Variants in PDCD6IP observed in about 807,000 individuals in gnomAD.
PDCD6IP encodes programmed cell death 6-interacting protein.
A neutral mutation model predicts 103.7 loss-of-function variants in PDCD6IP; 43 were observed. The ratio of observed to expected loss-of-function variants is 0.41; its 90% confidence interval spans 0.32 to 0.53. The LOEUF (loss-of-function observed/expected upper bound fraction) is 0.53. Ranked by LOEUF, PDCD6IP falls within the 20% of genes least tolerant of loss-of-function variation. The pLI is 0.16. For synonymous variants in PDCD6IP, 354 were observed against 378.7 expected (o/e 0.93, Z 0.76); for missense variants, 871 against 1,036.7 (o/e 0.84, Z 2.20).
intron 6 of PDCD6IP, chr3:33,827,231 T>G (rs1395835582): frequency 9.3e-6 from 9 of 967,240 alleles, no homozygotes; most frequent in Non-Finnish European, 1.1e-5. Flanking sequence ...ACTAGTAAAT[T>G]TGGAATGATT....
In PDCD6IP at chr3:33,867,080, A is replaced by G. The variant is rs1370658860; in HGVS notation, c.*555A>G. On this transcript the variant is annotated 3_prime_UTR_variant, in exon 18 of 18. Coordinates refer to ENST00000307296, the MANE Select transcript of PDCD6IP (RefSeq NM_013374.6). ...TTTTCTGGTATTAGTCTCATTTTGT[A>G]TGTATATAAGTTAAACAGATACTGT... The G allele has an allele frequency of 6.6e-6, 1 of 152,090 alleles. No homozygotes were observed. The highest frequency in any genetic ancestry group is 1.5e-5 in the Non-Finnish European group (1 of 68,004). 9.4% of individuals were successfully genotyped at this position (152,090 alleles called of 1,614,324 possible). A position where few individuals can be genotyped will look rare whatever the true frequency, so the allele number is the denominator to read the frequency against.
intron 8 of PDCD6IP, 77 bp downstream of exon 8, chr3:33,836,343 A>G: frequency 1.3e-6 from 1 of 775,176 alleles, no homozygotes; most frequent in Admixed American, 2.2e-5. Flanking sequence ...AAAATCACAT[A>G]ATTGCTGTTG....
chr3:33,803,512 C>T (rs1696521595), intron 1 of PDCD6IP, among the ~76,000 whole-genome samples: 1 of 152,106 alleles, frequency 6.6e-6, no homozygotes, highest in Non-Finnish European at 1.5e-5. Flanking sequence ...GGAGTTGTAG[C>T]ATTTTCTGGA....
At chr3:33,808,446 CGT>C (rs973366683) in intron 1 of PDCD6IP, among the ~76,000 whole-genome samples, 7 of 152,088 alleles carry the variant, frequency 4.6e-5, no homozygotes, top group African/African-American at 1.7e-4. Flanking sequence ...ACCTGGCTGA[CGT>C]GTGTATGTAT....
At chr3:33,862,199 CTT>C (rs940895768) in intron 15 of PDCD6IP, among the ~76,000 whole-genome samples, 80 of 149,400 alleles carry the variant, frequency 5.4e-4, no homozygotes, top group African/African-American at 1.9e-3. Context: ...TGATTAAAAA[CTT>C]ATTTATTTTA....
chr3:33,825,368 T>A, intron 5 of PDCD6IP, 28 bp downstream of exon 5: 2 of 1,561,352 alleles, frequency 1.3e-6, no homozygotes, highest in South Asian at 1.2e-5. Context: ...TTTTGTTGCA[T>A]GTGAAAAAAA....
In PDCD6IP at chr3:33,852,437, C is replaced by CTTTTT. The variant is rs59048229; in HGVS notation, c.1642-36_1642-32dup. 70 of 1,042,134 alleles carry CTTTTT rather than the reference C, an allele frequency of 6.7e-5. 9 individuals are homozygous for CTTTTT. Among genetic ancestry groups the CTTTTT allele is most frequent in the East Asian group, 3.1e-4 (5 of 15,962 alleles). The allele number at this position is 1,042,134 out of a possible 1,614,324, so 64.6% of individuals were successfully genotyped here. A position where few individuals can be genotyped will look rare whatever the true frequency, so the allele number is the denominator to read the frequency against. Reference sequence around the variant, plus strand: ...TATATTATTTCCTTCTCGAAATTGGCTTTTTTTTTTTTTTTTTTTGCAGTT... The same window carrying CTTTTT: ...TATATTATTTCCTTCTCGAAATTGGCTTTTTTTTTTTTTTTTTTTTTTTTGCAGTT... On this transcript the variant is annotated intron_variant, in intron 12 of 17. Transcript: ENST00000307296.
chr3:33,852,759 G>T (rs370267290), intron 13 of PDCD6IP, 23 bp downstream of exon 13: 88 of 1,559,744 alleles, frequency 5.6e-5, no homozygotes, highest in Non-Finnish European at 7.4e-5. Flanking sequence ...TATTTAATAA[G>T]ATCTGTGTTT....
Position 33,824,606 on chromosome 3 carries a change from G to A in PDCD6IP, c.463-581G>A, listed in dbSNP as rs148920037. On this transcript the variant is annotated intron_variant, in intron 4 of 17. Coordinates refer to ENST00000307296, the MANE Select transcript of PDCD6IP (RefSeq NM_013374.6). ...CAGACTGATTTATTTCTTTTTCTTA[G>A]TATAATTTGTTTCATGAAAGCAAAG... 4.6e-5 allele frequency among the ~76,000 whole-genome samples: 7 copies of A among 152,202 alleles called. No homozygotes were observed. The East Asian group carries it at 1.4e-3, about 29-fold the overall frequency.
chr3:33,822,176 C>T, intron 4 of PDCD6IP, 94 bp downstream of exon 4: 1 of 1,272,728 alleles, frequency 7.9e-7, no homozygotes, highest in Non-Finnish European at 1.1e-6. Context: ...ACTTCTTACG[C>T]AACAGATGTT....
intron 1 of PDCD6IP, among the ~76,000 whole-genome samples, chr3:33,805,946 C>T (rs751566266): frequency 2.6e-5 from 4 of 151,760 alleles, no homozygotes; most frequent in South Asian, 2.1e-4. Flanking sequence ...GGGGTTTCAC[C>T]GTGTTAGCCA....
chr3:33,817,595 A>G (rs1696882944), intron 3 of PDCD6IP, among the ~76,000 whole-genome samples: 1 of 152,114 alleles, frequency 6.6e-6, no homozygotes, highest in South Asian at 2.1e-4. Flanking sequence ...TCTACAAAAA[A>G]TAAAAAAATT....
At chr3:33,816,704 G>A (rs1262445596) in intron 3 of PDCD6IP, among the ~76,000 whole-genome samples, 1 of 152,032 alleles carries the variant, frequency 6.6e-6, no homozygotes, top group Non-Finnish European at 1.5e-5. Flanking sequence ...TGAATGGGAG[G>A]TGAGGGAATG....
intron 17 of PDCD6IP, among the ~76,000 whole-genome samples, chr3:33,865,873 T>A (rs971379775): frequency 6.6e-6 from 1 of 152,186 alleles, no homozygotes; most frequent in African/African-American, 2.4e-5. Flanking sequence ...CTGTGGTAAT[T>A]TCTTAATTTT....
Position 33,798,791 on chromosome 3 carries a change from G to T in PDCD6IP, c.63G>T (p.Leu21=), listed in dbSNP as rs1696392862. The T allele has an allele frequency of 1.2e-5, 19 of 1,573,822 alleles. No homozygotes were observed. Among genetic ancestry groups the T allele is most frequent in the Non-Finnish European group, 1.6e-5 (19 of 1,160,186 alleles). The change falls in exon 1 of 18, where the codon CTG becomes CTT. Residue 21 remains leucine (L), a synonymous_variant. Transcript: ENST00000307296. ...CAGAGGTGGACCTGGCCAAGCCGCT[G>T]GTGAAGTTCATCCAGCAGACTTACC... is the stretch of plus-strand genomic sequence containing the variant. ...KTSEVDLAKP[L]VKFIQQTYPS...
chr3:33,864,191 A>G (rs1348206878), intron 16 of PDCD6IP, 62 bp downstream of exon 16: 6 of 980,760 alleles, frequency 6.1e-6, no homozygotes, highest in Middle Eastern at 2.1e-4. Context: ...ACTTGTTCTA[A>G]CGGATAAAAC....
At chr3:33,859,221 A>C (rs1291839091) in intron 15 of PDCD6IP, among the ~76,000 whole-genome samples, 1 of 152,222 alleles carries the variant, frequency 6.6e-6, no homozygotes, top group East Asian at 1.9e-4. Context: ...ATACCAGAGT[A>C]AGTTCTGAGT....
chr3:33,813,448 T>C, intron 2 of PDCD6IP, 111 bp from the exon 3 acceptor site: 1 of 682,226 alleles, frequency 1.5e-6, no homozygotes, highest in Non-Finnish European at 2.5e-6. Flanking sequence ...GGAGATAATA[T>C]TTTGAGCTTT....
At chr3:33,828,805 G>T in intron 6 of PDCD6IP, 48 bp from the exon 7 acceptor site, 6 of 1,605,184 alleles carry the variant, frequency 3.7e-6, no homozygotes, top group Non-Finnish European at 5.1e-6. Context: ...GTTGTCTGTG[G>T]TGGTTTGTGT....
Sources: allele counts gnomAD v4.1 joint callset (sites outside exome capture counted in the v4.1 genomes callset), GRCh38; gene constraint gnomAD v4.1.1; transcripts MANE v1.5; gene names NCBI Gene and HGNC (gene_info 2026-07-23, HGNC 2026-07-21).